CYP19A1: variants seen among roughly 807,000 people sequenced by gnomAD.
The protein encoded by CYP19A1 is cytochrome P450 family 19 subfamily A member 1.
Under a neutral mutation model 44.4 loss-of-function variants are expected in CYP19A1, and 32 were observed. That is an observed-to-expected ratio of 0.72 (90% confidence interval 0.54 to 0.97). The LOEUF (loss-of-function observed/expected upper bound fraction) is 0.97. Ranked by LOEUF, CYP19A1 falls within the 50% of genes least tolerant of loss-of-function variation. The probability of loss-of-function intolerance (pLI) is 0.00; values close to 1 mark genes in which losing one functional copy is unlikely to be tolerated. For missense variants in CYP19A1, 598 were observed against 637.8 expected (o/e 0.94, Z 0.67); for synonymous variants, 212 against 215.6 (o/e 0.98, Z 0.14).
intron 1 of CYP19A1, among the ~76,000 whole-genome samples, chr15:51,308,102 G>A (rs887004379): frequency 1.3e-5 from 2 of 152,226 alleles, no homozygotes; most frequent in East Asian, 1.9e-4. Context: ...GCAAGAAGAA[G>A]CTCTGGCTGC....
At chr15:51,248,180 G>A (rs959741136) in intron 1 of CYP19A1, among the ~76,000 whole-genome samples, 2 of 152,210 alleles carry the variant, frequency 1.3e-5, no homozygotes, top group Admixed American at 6.5e-5. Flanking sequence ...CAGGTGACAT[G>A]AATGTGGAGG....
At chr15:51,321,312 C>A (rs1447818379) in intron 1 of CYP19A1, among the ~76,000 whole-genome samples, 1 of 152,152 alleles carries the variant, frequency 6.6e-6, no homozygotes, top group Non-Finnish European at 1.5e-5. Flanking sequence ...CCCCTAGATC[C>A]CCCATGACTG....
At chr15:51,262,135 T>C (rs2034747168) in intron 1 of CYP19A1, among the ~76,000 whole-genome samples, 1 of 152,220 alleles carries the variant, frequency 6.6e-6, no homozygotes, top group Non-Finnish European at 1.5e-5. Flanking sequence ...AAGGCGTTCC[T>C]AAGCCACAAA....
chr15:51,225,572 A>G (rs929760248), intron 4 of CYP19A1, among the ~76,000 whole-genome samples: 2 of 152,206 alleles, frequency 1.3e-5, no homozygotes, highest in African/African-American at 4.8e-5. Flanking sequence ...CACAACCTGT[A>G]ATACTAAGTC....
intron 1 of CYP19A1, chr15:51,321,141 A>G: frequency 6.5e-6 from 1 of 152,788 alleles, no homozygotes. Flanking sequence ...CACCCAAGCT[A>G]CAGCCTTTGA....
Position 51,210,137 on chromosome 15 carries a change from A to G in CYP19A1, c.*671T>C. 2 of 348,728 alleles carry G rather than the reference A, an allele frequency of 5.7e-6. No homozygotes were observed. The allele number at this position is 348,728 out of a possible 1,614,324, so 21.6% of individuals were successfully genotyped here. A position where few individuals can be genotyped will look rare whatever the true frequency, so the allele number is the denominator to read the frequency against. ...CCTGAATCTACAGGTAACACAATGA[A>G]TTGTAGCACAGGCAAGTGGCTGAGG... On this transcript the variant is annotated 3_prime_UTR_variant, in exon 10 of 10. Transcript: ENST00000396402.
At chr15:51,222,263 T>C (rs975889423) in intron 5 of CYP19A1, 86 bp downstream of exon 5, 66 of 1,606,582 alleles carry the variant, frequency 4.1e-5, no homozygotes, top group Non-Finnish European at 5.0e-5. Context: ...GAAAATGGCA[T>C]GTGATTCCTT....
intron 4 of CYP19A1, among the ~76,000 whole-genome samples, chr15:51,224,604 C>G (rs928310834): frequency 6.6e-6 from 1 of 152,242 alleles, no homozygotes; most frequent in Non-Finnish European, 1.5e-5. Flanking sequence ...CCCCTCCACC[C>G]TTCCTGCATC....
chr15:51,289,196 G>A (rs538352431), intron 1 of CYP19A1, among the ~76,000 whole-genome samples: 22 of 152,262 alleles, frequency 1.4e-4, no homozygotes, highest in African/African-American at 5.1e-4. Flanking sequence ...TTCAATGAAG[G>A]TAATTTACCT....
chr15:51,281,260 C>G (rs555742407), intron 1 of CYP19A1, among the ~76,000 whole-genome samples: 10 of 152,332 alleles, frequency 6.6e-5, no homozygotes, highest in Admixed American at 3.3e-4. Flanking sequence ...TCTGTTTCTC[C>G]AGGAAACTGT....
intron 1 of CYP19A1, among the ~76,000 whole-genome samples, chr15:51,276,522 T>C (rs1012642619): frequency 6.6e-6 from 1 of 152,200 alleles, no homozygotes; most frequent in African/African-American, 2.4e-5. Context: ...TATCCAGACA[T>C]AGCAAACACA....
chr15:51,229,724 C>T (rs1173209986), intron 3 of CYP19A1, among the ~76,000 whole-genome samples: 1 of 152,066 alleles, frequency 6.6e-6, no homozygotes, highest in East Asian at 1.9e-4. Context: ...TTACCTTCCC[C>T]TCCATCATTC....
At chr15:51,261,744 G>A (rs916920237) in intron 1 of CYP19A1, among the ~76,000 whole-genome samples, 2 of 152,158 alleles carry the variant, frequency 1.3e-5, no homozygotes, top group East Asian at 1.9e-4. Flanking sequence ...GAGAGGTCAT[G>A]GTGGAGGAAT....
At chr15:51,319,420 C>T (rs2036488381) in intron 1 of CYP19A1, among the ~76,000 whole-genome samples, 1 of 152,140 alleles carries the variant, frequency 6.6e-6, no homozygotes, top group African/African-American at 2.4e-5. Context: ...TAAGCAGATC[C>T]TGTTAGATAC....
intron 6 of CYP19A1, 74 bp from the exon 7 acceptor site, chr15:51,215,891 T>C (rs2031525950): frequency 6.9e-6 from 11 of 1,601,376 alleles, no homozygotes; most frequent in African/African-American, 1.3e-5. Flanking sequence ...ATTTGCCATG[T>C]ATTTAGGTAA....
At chr15:51,300,575 C>T (rs1261434041) in intron 1 of CYP19A1, among the ~76,000 whole-genome samples, 4 of 152,092 alleles carry the variant, frequency 2.6e-5, no homozygotes, top group Admixed American at 6.5e-5. Context: ...AGGTGCTGCT[C>T]CTCCCACCAC....
At chr15:51,287,900 A>G (rs948568867) in intron 1 of CYP19A1, among the ~76,000 whole-genome samples, 3 of 152,202 alleles carry the variant, frequency 2.0e-5, no homozygotes, top group Non-Finnish European at 4.4e-5. Context: ...TCAGTGGAAA[A>G]ATCAATGGGT....
intron 4 of CYP19A1, among the ~76,000 whole-genome samples, chr15:51,222,882 T>C (rs1359119103): frequency 6.6e-6 from 1 of 152,178 alleles, no homozygotes; most frequent in Non-Finnish European, 1.5e-5. Flanking sequence ...TTCATATTTA[T>C]TGCATACATT....
intron 1 of CYP19A1, among the ~76,000 whole-genome samples, chr15:51,248,872 G>A (rs796225723): frequency 4.0e-5 from 6 of 151,430 alleles, no homozygotes; most frequent in South Asian, 2.1e-4. Flanking sequence ...CTTACATCAC[G>A]TCAATCCTCT....
Sources: allele counts gnomAD v4.1 joint callset (sites outside exome capture counted in the v4.1 genomes callset), GRCh38; gene constraint gnomAD v4.1.1; transcripts MANE v1.5; gene names NCBI Gene and HGNC (gene_info 2026-07-23, HGNC 2026-07-21).